The following CELF2 variants were observed in gnomAD, a reference collection of about 807,000 sequenced individuals.
CELF2 encodes CUGBP Elav-like family member 2.
CELF2 carries 8 observed loss-of-function variants against 62.6 expected under a neutral mutation model. The ratio of observed to expected loss-of-function variants is 0.13; its 90% CI spans 0.07 to 0.23. The LOEUF (loss-of-function observed/expected upper bound fraction) is 0.23, where lower values mean the gene tolerates loss of function less well. Among genes scored for constraint, CELF2 ranks in the 10% least tolerant of loss-of-function variants. The pLI is 1.00. For missense variants in CELF2, 333 were observed against 671.0 expected, an observed-to-expected ratio of 0.50 and a Z score of 5.56; for synonymous variants, 258 against 250.0, an observed-to-expected ratio of 1.03 and a Z score of -0.30.
intron 1 of CELF2, among the ~76,000 whole-genome samples, chr10:11,163,426 G>T (rs930780713): frequency 3.9e-5 from 6 of 152,172 alleles, no homozygotes; most frequent in African/African-American, 1.4e-4. Flanking sequence ...ATGCTGTACT[G>T]CAAGGGGCTC....
chr10:11,145,515 G>C lies in CELF2; in HGVS notation c.75-19971G>C, dbSNP rs900031631. Among the ~76,000 whole-genome samples, 2 of 152,202 alleles carry C rather than the reference G, an allele frequency of 1.3e-5. No individual in the cohort carries two copies. The highest frequency in any genetic ancestry group is 2.9e-5 in the Non-Finnish European group (2 of 68,034). ...GCACAGAACCAGTTGGTGGGGTGGA[G>C]ATATTAAAGGATAGAATTTTTCTGG... On this transcript the variant is annotated intron_variant, in intron 1 of 12. Coordinates refer to ENST00000633077, the MANE Select transcript of CELF2 (RefSeq NM_001326342.2). This position sits in a 1 kb window ranked among gnomAD's most constrained non-coding sequence, Gnocchi z 4.3.
At chr10:11,148,710 AATTT>A (rs1564943579) in intron 1 of CELF2, among the ~76,000 whole-genome samples, 1 of 152,160 alleles carries the variant, frequency 6.6e-6, no homozygotes, top group African/African-American at 2.4e-5. Flanking sequence ...GTGGTTCCAT[AATTT>A]ATTTCACCAT....
rs570030237 is a variant in CELF2, at chr10:10,856,626, C to T, written c.53+57809C>T. ...TGTCTTCGTTAGCATCTTTGTTAAA[C>T]GTTGAGTCACTAGACACATTTCCCA... On this transcript the variant is annotated intron_variant, in intron 1 of 13. Transcript: ENST00000636488. 3.1e-4 allele frequency among the ~76,000 whole-genome samples: 47 copies of T among 152,236 alleles called. No individual in the cohort carries two copies. The South Asian group carries it at 8.5e-3, about 28-fold the overall frequency.
chr10:11,233,185 A>G (rs1293749028), intron 3 of CELF2, among the ~76,000 whole-genome samples: 1 of 152,324 alleles, frequency 6.6e-6, no homozygotes, highest in African/African-American at 2.4e-5. Context: ...GGCCTGGGCT[A>G]CAGCTCAGAA....
At chr10:11,175,702 C>G (rs2070816221) in intron 2 of CELF2, among the ~76,000 whole-genome samples, 1 of 152,150 alleles carries the variant, frequency 6.6e-6, no homozygotes, top group Admixed American at 6.5e-5. Flanking sequence ...GGGTACCCTT[C>G]AAAGCCCTGG....
intron 1 of CELF2, among the ~76,000 whole-genome samples, chr10:10,839,785 G>A (rs553410080): frequency 3.9e-5 from 6 of 152,140 alleles, no homozygotes; most frequent in East Asian, 1.9e-4. Context: ...GGGTTTGAAC[G>A]ACGAATGCAG....
intron 1 of CELF2, among the ~76,000 whole-genome samples, chr10:10,918,695 T>C (rs910622978): frequency 2.0e-5 from 3 of 152,308 alleles, no homozygotes; most frequent in East Asian, 3.9e-4. Flanking sequence ...GATTGACACA[T>C]TGGATTCAGG....
At chr10:11,079,528 G>C (rs1273970666) in intron 1 of CELF2, among the ~76,000 whole-genome samples, 1 of 152,156 alleles carries the variant, frequency 6.6e-6, no homozygotes, top group Non-Finnish European at 1.5e-5. Context: ...GTGATAGTGA[G>C]TTCTCAGGAG....
At chr10:10,558,934 C>T in the CELF2 span, among the ~76,000 whole-genome samples, 3 of 152,054 alleles carry the variant, frequency 2.0e-5, no homozygotes, top group Non-Finnish European at 4.4e-5. Context: ...ATAAAATGTA[C>T]ACTGAATTTC....
chr10:10,713,088 C>G, the CELF2 span, among the ~76,000 whole-genome samples: 1 of 152,168 alleles, frequency 6.6e-6, no homozygotes, highest in African/African-American at 2.4e-5. Context: ...AAGTTTGCTT[C>G]CATTAGAAAA....
the CELF2 span, among the ~76,000 whole-genome samples, chr10:10,650,877 C>T: frequency 6.6e-6 from 1 of 152,116 alleles, no homozygotes; most frequent in African/African-American, 2.4e-5. Context: ...GCCAAGATGG[C>T]CGAATAGGAA....
At chr10:10,686,209 G>A in the CELF2 span, among the ~76,000 whole-genome samples, 8 of 149,716 alleles carry the variant, frequency 5.3e-5, no homozygotes, top group African/African-American at 2.0e-4. Flanking sequence ...TGGGAAAAAC[G>A]TTTGAAGTTA....
At chr10:10,602,777 C>G in the CELF2 span, among the ~76,000 whole-genome samples, 1 of 152,014 alleles carries the variant, frequency 6.6e-6, no homozygotes, top group Admixed American at 6.6e-5. Context: ...TTTAGAAATG[C>G]ATGTATGCTC....
At chr10:10,561,173 T>C in the CELF2 span, among the ~76,000 whole-genome samples, 2 of 152,100 alleles carry the variant, frequency 1.3e-5, no homozygotes, top group Non-Finnish European at 2.9e-5. Context: ...AAAATAAAAT[T>C]TTTAAAAATT....
chr10:10,636,045 T>C, the CELF2 span, among the ~76,000 whole-genome samples: 2 of 152,234 alleles, frequency 1.3e-5, no homozygotes, highest in East Asian at 3.8e-4. Context: ...AAAACATTTT[T>C]CCCTTAAGAA....
At chr10:10,543,095 T>C in the CELF2 span, among the ~76,000 whole-genome samples, 1 of 152,166 alleles carries the variant, frequency 6.6e-6, no homozygotes, top group African/African-American at 2.4e-5. Context: ...CTGAATTAGG[T>C]TGAAGACTTG....
At position 11,316,035 on chromosome 10, in the gene CELF2, G is replaced by A. The variant is rs948391037; in HGVS notation, c.1096+1777G>A. Reference sequence around the variant, plus strand: ...CTCGTCTGCGTCCCGCCCTGTCCACGCTGCTCTGCTCTGCATTGCTGAGAT... The same window carrying A: ...CTCGTCTGCGTCCCGCCCTGTCCACACTGCTCTGCTCTGCATTGCTGAGAT... On this transcript the variant is annotated intron_variant, in intron 10 of 12. Transcript: ENST00000633077. This position sits in a 1 kb window ranked among gnomAD's most constrained non-coding sequence, Gnocchi z 4.4. 3.3e-5 allele frequency among the ~76,000 whole-genome samples: 5 copies of A among 152,190 alleles called. No individual in the cohort carries two copies. The highest frequency in any genetic ancestry group is 4.8e-5 in the African/African-American group (2 of 41,446).
At chr10:11,109,006 T>C (rs893611368) in intron 1 of CELF2, among the ~76,000 whole-genome samples, 1 of 152,212 alleles carries the variant, frequency 6.6e-6, no homozygotes. Flanking sequence ...GATCTGTCAG[T>C]GTGTACTCCT....
the CELF2 span, among the ~76,000 whole-genome samples, chr10:10,733,677 A>G: frequency 2.0e-5 from 3 of 152,192 alleles, no homozygotes; most frequent in Admixed American, 6.5e-5. Context: ...GACAAGAAAG[A>G]ATGAGAACCA....
Sources: allele counts gnomAD v4.1 joint callset (sites outside exome capture counted in the v4.1 genomes callset), GRCh38; gene constraint gnomAD v4.1.1; non-coding constraint Gnocchi (gnomAD v3.1); transcripts MANE v1.5; gene names NCBI Gene and HGNC (gene_info 2026-07-23, HGNC 2026-07-21).